Variants in LUZP1 observed in about 807,000 individuals in gnomAD.
LUZP1 encodes filamin mechanobinding actin cross-linking protein.
Under a neutral mutation model 71.3 loss-of-function variants are expected in LUZP1, and 25 were observed. The ratio of observed to expected loss-of-function variants is 0.35; its 90% CI spans 0.26 to 0.49. The LOEUF is 0.49. LUZP1 is among the 20% of genes least tolerant of loss of function. The pLI is 0.99. For missense variants in LUZP1, 1,142 were observed against 1,300.8 expected, an observed-to-expected ratio of 0.88 and a Z score of 1.88; for synonymous variants, 481 against 506.4, an observed-to-expected ratio of 0.95 and a Z score of 0.67.
Position 23,091,751 on chromosome 1 carries a change from A to G in LUZP1, c.2511T>C (p.His837=), listed in dbSNP as rs1219025305. 6.2e-6 allele frequency: 10 copies of G among 1,613,946 alleles called. No individual in the cohort carries two copies. The African/African-American group carries it at 6.7e-5, about 11-fold the overall frequency. The stretch of plus-strand genomic sequence containing the variant: ...TGGAGAGCTCAAAAGGGGAGCTGAC[A>G]TGGTTGCTAACTGATGTGAGCTCTG... Residue 837 remains histidine, a synonymous_variant, in exon 4 of 5, where the codon CAT becomes CAC. Transcript: ENST00000302291.
At chr1:23,097,848 A>C (rs1643901157) in intron 3 of LUZP1, among the ~76,000 whole-genome samples, 1 of 152,194 alleles carries the variant, frequency 6.6e-6, no homozygotes, top group East Asian at 1.9e-4. Flanking sequence ...TCTCTAAATA[A>C]ATAAGCAGAT....
chr1:23,135,037 C>A (rs999525776), intron 2 of LUZP1, among the ~76,000 whole-genome samples: 41 of 152,206 alleles, frequency 2.7e-4, no homozygotes, highest in African/African-American at 8.9e-4. Context: ...AAAACTCAAT[C>A]CCCTGGAGTA....
chr1:23,126,435 T>C (rs1035753419), intron 2 of LUZP1, among the ~76,000 whole-genome samples: 10 of 152,284 alleles, frequency 6.6e-5, no homozygotes, highest in African/African-American at 2.2e-4. Context: ...CTGAGCAACA[T>C]AGTGAGACCC....
intron 1 of LUZP1, among the ~76,000 whole-genome samples, chr1:23,176,780 G>A (rs1644584516): frequency 6.6e-6 from 1 of 152,222 alleles, no homozygotes; most frequent in Admixed American, 6.5e-5. Context: ...CTGGGGCTTT[G>A]CAGAAATATT....
At chr1:23,163,767 C>T (rs1644488246) in intron 2 of LUZP1, among the ~76,000 whole-genome samples, 1 of 152,154 alleles carries the variant, frequency 6.6e-6, no homozygotes, top group Admixed American at 6.6e-5. Context: ...TGACCCTCCA[C>T]TCCCATACAA....
intron 2 of LUZP1, among the ~76,000 whole-genome samples, chr1:23,119,251 C>CTTTTTTTTTTTTTTTTTTT (rs35522356): frequency 1.4e-5 from 1 of 69,996 alleles, no homozygotes; most frequent in Non-Finnish European, 2.5e-5. Flanking sequence ...GTGACTAGCT[C>CTTTTTTTTTTTTTTTTTTT]TTTTTTTTTT....
At chr1:23,151,181 A>G (rs763346039) in intron 2 of LUZP1, among the ~76,000 whole-genome samples, 14 of 152,072 alleles carry the variant, frequency 9.2e-5, no homozygotes, top group Admixed American at 3.3e-4. Flanking sequence ...AGTAGCTGGG[A>G]TTAAAGGCAC....
rs148135231 is a variant in LUZP1, at chr1:23,158,609, T to C, written c.-226+10157A>G. On this transcript the variant is annotated intron_variant, in intron 2 of 4. Coordinates refer to ENST00000302291, the Ensembl canonical transcript of LUZP1. Reference sequence around the variant, plus strand: ...TTGCAGTGAGCCGAGATCGTGCCATTGCACCCTGACCTGAGTGGCAAGAGC... The same window carrying C: ...TTGCAGTGAGCCGAGATCGTGCCATCGCACCCTGACCTGAGTGGCAAGAGC... 6.2e-3 allele frequency among the ~76,000 whole-genome samples: 805 copies of C among 130,124 alleles called. 9 individuals carry two copies. Among genetic ancestry groups the C allele is most frequent in the African/African-American group, 0.023 (763 of 33,306 alleles). The allele number at this position is 130,124 out of a possible 152,430, so 85.4% of individuals were successfully genotyped here.
chr1:23,126,804 G>A (rs745757584), intron 2 of LUZP1, among the ~76,000 whole-genome samples: 3 of 152,220 alleles, frequency 2.0e-5, no homozygotes, highest in Non-Finnish European at 4.4e-5. Context: ...CCAGCCCAGA[G>A]AGGCTCTCTG....
intron 3 of LUZP1, among the ~76,000 whole-genome samples, chr1:23,102,002 C>G (rs1284856249): frequency 6.6e-6 from 1 of 152,064 alleles, no homozygotes; most frequent in African/African-American, 2.4e-5. Context: ...TAAGATAGCA[C>G]CCACCCTTTT....
chr1:23,093,362 T>A lies in LUZP1; in HGVS notation c.900A>T (p.Thr300=), dbSNP rs1983965. ...CCAACGATTCAAAGTGTTTGATTTG[T>A]GTCTTAAGTTTCTCAATCTCTTGGT... Residue 300 remains threonine, a synonymous_variant, in exon 4 of 5, where the codon ACA becomes ACT. Transcript: ENST00000302291. The surrounding 1 kb of genome is among the most constrained non-coding windows in gnomAD (Gnocchi z 4.2). The A allele has an allele frequency of 5.3e-5, 86 of 1,613,154 alleles. No individual in the cohort carries two copies. Among genetic ancestry groups the A allele is most frequent in the Non-Finnish European group, 6.9e-5 (81 of 1,179,864 alleles).
intron 2 of LUZP1, among the ~76,000 whole-genome samples, chr1:23,117,454 CCTCT>C (rs1185318512): frequency 1.1e-3 from 15 of 13,362 alleles, no homozygotes; most frequent in African/African-American, 2.2e-3. Flanking sequence ...TTTTTTTTTT[CCTCT>C]CTCTCTCTCT....
chr1:23,114,997 G>A (rs1644066239), intron 2 of LUZP1, among the ~76,000 whole-genome samples: 1 of 152,114 alleles, frequency 6.6e-6, no homozygotes, highest in Non-Finnish European at 1.5e-5. Flanking sequence ...ACTATAAACA[G>A]GTCCGAAAAG....
exon 5 of LUZP1, chr1:23,085,824 G>C (rs940115367): frequency 6.6e-6 from 1 of 152,174 alleles, no homozygotes; most frequent in Non-Finnish European, 1.5e-5. Flanking sequence ...TCCACCTGCA[G>C]CTTTCTCTGG....
At chr1:23,136,608 G>A (rs561040413) in intron 2 of LUZP1, among the ~76,000 whole-genome samples, 1 of 151,570 alleles carries the variant, frequency 6.6e-6, no homozygotes, top group African/African-American at 2.4e-5. Flanking sequence ...GACAATGACA[G>A]GACTAAAACC....
chr1:23,088,829 G>A lies in LUZP1; in HGVS notation c.*66C>T, dbSNP rs202173482. 819 of 1,559,460 alleles carry A rather than the reference G, an allele frequency of 5.3e-4. 12 individuals are homozygous for A. In the South Asian group the frequency reaches 9.3e-3, roughly 18 times the overall value. On this transcript the variant is annotated 3_prime_UTR_variant, in exon 5 of 5. Transcript: ENST00000302291. ...CTGGTTAACTGGCCTTGGATCCTTC[G>A]TGGGGCAGGACGGTGGAAGAGCTGA...
intron 2 of LUZP1, among the ~76,000 whole-genome samples, chr1:23,157,721 G>A (rs1274188046): frequency 6.6e-6 from 1 of 151,882 alleles, no homozygotes; most frequent in Non-Finnish European, 1.5e-5. Flanking sequence ...AACCCAGGAG[G>A]CGGAGGTTGC....
At chr1:23,138,997 CAAAAAA>C (rs535524035) in intron 2 of LUZP1, among the ~76,000 whole-genome samples, 6 of 21,592 alleles carry the variant, frequency 2.8e-4, no homozygotes, top group African/African-American at 5.5e-4. Flanking sequence ...GACTCCATCT[CAAAAAA>C]AAAAAAAAAA....
chr1:23,136,816 G>T (rs1644258071), intron 2 of LUZP1, among the ~76,000 whole-genome samples: 1 of 152,196 alleles, frequency 6.6e-6, no homozygotes, highest in Non-Finnish European at 1.5e-5. Context: ...ACTCAGGGAG[G>T]CTGAGACGGG....
Sources: gnomAD v4.1 joint callset for allele counts (sites outside exome capture counted in the v4.1 genomes callset) on GRCh38, gnomAD v4.1.1 for gene constraint, Gnocchi (gnomAD v3.1) non-coding constraint, MANE v1.5 for transcripts, NCBI Gene and HGNC (gene_info 2026-07-23, HGNC 2026-07-21) for gene names.